OPA3: variants seen among roughly 807,000 people sequenced by gnomAD.
The protein encoded by OPA3 is optic atrophy 3 protein.
Under a neutral mutation model 4.0 loss-of-function variants are expected in OPA3, and 6 were observed. That is an observed-to-expected ratio of 1.51 (90% CI 0.83 to 2.99). The LOEUF is 2.99. Among genes scored for constraint, OPA3 ranks in the 30% most tolerant of loss-of-function variants. The pLI, the probability that OPA3 is intolerant of heterozygous loss-of-function variation, is 0.00. For synonymous variants in OPA3, 105 were observed against 117.1 expected (o/e 0.90, Z 0.67); for missense variants, 235 against 256.2 (o/e 0.92, Z 0.56).
chr19:45,571,480 G>A (rs1032349918), intron 1 of OPA3, among the ~76,000 whole-genome samples: 2 of 152,128 alleles, frequency 1.3e-5, no homozygotes, highest in African/African-American at 2.4e-5. Context: ...GTGTACACAC[G>A]TGCATACATA....
chr19:45,570,041 C>T (rs1039958715), intron 1 of OPA3, among the ~76,000 whole-genome samples: 2 of 152,196 alleles, frequency 1.3e-5, no homozygotes, highest in African/African-American at 4.8e-5. Flanking sequence ...CCGAGATGGC[C>T]TCTGGTGCTT....
intron 1 of OPA3, chr19:45,529,561 C>T: frequency 7.1e-7 from 1 of 1,403,474 alleles, no homozygotes; most frequent in Non-Finnish European, 1.0e-6. Flanking sequence ...GATGTGGTCA[C>T]CACAATCGGA....
chr19:45,581,323 A>G (rs142790916), intron 1 of OPA3, among the ~76,000 whole-genome samples: 1 of 151,958 alleles, frequency 6.6e-6, no homozygotes, highest in African/African-American at 2.4e-5. Context: ...AAAAAAGTGC[A>G]CTCCCTTAAT....
chr19:45,577,692 C>CA (rs1969788865), intron 1 of OPA3, among the ~76,000 whole-genome samples: 1 of 152,150 alleles, frequency 6.6e-6, no homozygotes, highest in African/African-American at 2.4e-5. Context: ...CCAAGCGATC[C>CA]AAATCACCAT....
At chr19:45,576,389 A>G (rs141629509) in intron 1 of OPA3, among the ~76,000 whole-genome samples, 1 of 151,424 alleles carries the variant, frequency 6.6e-6, no homozygotes, top group African/African-American at 2.4e-5. Context: ...AAAATTAGCC[A>G]GGTGTGGTGG....
downstream of OPA3, among the ~76,000 whole-genome samples, chr19:45,544,825 A>C (rs1969227382): frequency 1.3e-5 from 2 of 150,234 alleles, no homozygotes; most frequent in African/African-American, 4.9e-5. Context: ...TAAATAAATA[A>C]ATAGGAAATT....
At chr19:45,532,344 C>T (rs1969068774) in intron 1 of OPA3, among the ~76,000 whole-genome samples, 1 of 152,194 alleles carries the variant, frequency 6.6e-6, no homozygotes, top group Non-Finnish European at 1.5e-5. Context: ...TAATGAGCCA[C>T]AACCATGAGA....
rs1969283415 is a variant in OPA3 at position 45,548,479 on chromosome 19, C to G, written c.*5035G>C. The stretch of plus-strand genomic sequence containing the variant: ...CAGAGGGAGGATTCCGGATTCAGCC[C>G]AGCCCCTGCTTCCTAAACAACTATG... On this transcript the variant is annotated 3_prime_UTR_variant, in exon 2 of 2. Coordinates refer to ENST00000263275, the MANE Select transcript of OPA3 (RefSeq NM_025136.4). 25 of 985,336 alleles carry G rather than the reference C, an allele frequency of 2.5e-5. No individual in the cohort carries two copies. The highest frequency in any genetic ancestry group is 3.0e-5 in the Non-Finnish European group (25 of 829,982). The allele number at this position is 985,336 out of a possible 1,614,324, so 61.0% of individuals were successfully genotyped here. A position where few individuals can be genotyped will look rare whatever the true frequency, so the allele number is the denominator to read the frequency against.
chr19:45,541,756 G>T (rs1363145514), downstream of OPA3, among the ~76,000 whole-genome samples: 2 of 151,958 alleles, frequency 1.3e-5, no homozygotes, highest in Admixed American at 6.6e-5. Context: ...ATAGAAACAG[G>T]GTCTCACTAT....
intron 1 of OPA3, among the ~76,000 whole-genome samples, chr19:45,539,322 T>C (rs1369071855): frequency 6.6e-6 from 1 of 152,140 alleles, no homozygotes; most frequent in Non-Finnish European, 1.5e-5. Flanking sequence ...ATAGGCCAGG[T>C]GCAGTGGCTT....
chr19:45,570,739 T>G (rs1042915680), intron 1 of OPA3, among the ~76,000 whole-genome samples: 7 of 150,744 alleles, frequency 4.6e-5, no homozygotes, highest in African/African-American at 1.2e-4. Flanking sequence ...GGCAGAAGCC[T>G]GTAATCCCAG....
Position 45,549,702 on chromosome 19 carries a change from T to A in OPA3, c.*3812A>T, listed in dbSNP as rs1051564521. On this transcript the variant is annotated 3_prime_UTR_variant, in exon 2 of 2. Coordinates refer to ENST00000263275, the MANE Select transcript of OPA3 (RefSeq NM_025136.4). Reference sequence around the variant, plus strand: ...GCCATGTTGGCCAGGCTGGTCTCGATCTCCTAACATCATGTGATCAGTCCA... The same window carrying A: ...GCCATGTTGGCCAGGCTGGTCTCGAACTCCTAACATCATGTGATCAGTCCA... 4 of 957,772 alleles carry A rather than the reference T, an allele frequency of 4.2e-6. No homozygotes were observed. In the African/African-American group the frequency reaches 7.1e-5, roughly 17 times the overall value. 59.3% of individuals were successfully genotyped at this position (957,772 alleles called of 1,614,324 possible). A position where few individuals can be genotyped will look rare whatever the true frequency, so the allele number is the denominator to read the frequency against.
chr19:45,564,964 C>T (rs113847827), intron 1 of OPA3, among the ~76,000 whole-genome samples: 16 of 152,196 alleles, frequency 1.1e-4, no homozygotes, highest in Admixed American at 2.6e-4. Context: ...TGGTGGCTCA[C>T]GCCTGTAATC....
chr19:45,553,895 C>T lies in OPA3; in HGVS notation c.159G>A (p.Glu53=), dbSNP rs1568402635. 6.2e-7 allele frequency: 1 copy of T among 1,609,040 alleles called. No individual in the cohort carries two copies. The highest frequency in any genetic ancestry group is 8.5e-7 in the Non-Finnish European group (1 of 1,176,318). The change falls in exon 2 of 2, where the codon GAG becomes GAA. Residue 53 remains glutamate (E), a synonymous_variant. Transcript: ENST00000263275. The stretch of plus-strand genomic sequence containing the variant: ...CCATGATGCGCATCTTGGTCCGCAT[C>T]TCCACCCAGTGATACACTGCGGGGG... ...LPPAQLYHWV[E]MRTKMRIMGF...
At position 45,540,044 on chromosome 19, in the gene OPA3, C is replaced by T. The variant is rs1394139017; in HGVS notation, c.143-10588G>A. On this transcript the variant is annotated intron_variant, in intron 1 of 1. Coordinates refer to the OPA3 transcript ENST00000323060. Reference sequence around the variant, plus strand: ...TTAAAATGGGTGAGTTTCGGCCAGGCGCAGTGGCTCATGCCTGTAATCCCA... The same window carrying T: ...TTAAAATGGGTGAGTTTCGGCCAGGTGCAGTGGCTCATGCCTGTAATCCCA... 2.0e-5 allele frequency among the ~76,000 whole-genome samples: 3 copies of T among 152,136 alleles called. No individual in the cohort carries two copies. The East Asian group carries it at 5.8e-4, about 29-fold the overall frequency.
At chr19:45,532,067 A>AT (rs1969066731) in intron 1 of OPA3, among the ~76,000 whole-genome samples, 1 of 152,216 alleles carries the variant, frequency 6.6e-6, no homozygotes, top group African/African-American at 2.4e-5. Flanking sequence ...GCTTTGGGCC[A>AT]TGTGATATCA....
downstream of OPA3, among the ~76,000 whole-genome samples, chr19:45,542,909 A>C (rs920031284): frequency 6.6e-6 from 1 of 152,048 alleles, no homozygotes. Context: ...CTGACCTCGC[A>C]ATCTGCCCAC....
chr19:45,533,234 C>T (rs569910149), intron 1 of OPA3, among the ~76,000 whole-genome samples: 306 of 151,574 alleles, frequency 2.0e-3, no homozygotes, highest in African/African-American at 6.6e-3. Context: ...CTCACTCTGA[C>T]GCCCAGGCTG....
At chr19:45,554,968 T>A (rs942143482) in intron 1 of OPA3, among the ~76,000 whole-genome samples, 3 of 152,024 alleles carry the variant, frequency 2.0e-5, no homozygotes, top group African/African-American at 7.2e-5. Flanking sequence ...TTTTTCGTAT[T>A]TTTAGTAGAG....
Sources: gnomAD v4.1 joint callset for allele counts (sites outside exome capture counted in the v4.1 genomes callset) on GRCh38, gnomAD v4.1.1 for gene constraint, MANE v1.5 for transcripts, NCBI Gene and HGNC (gene_info 2026-07-23, HGNC 2026-07-21) for gene names.